The following IMMP2L variants were observed in gnomAD, a reference collection of about 807,000 sequenced individuals.
IMMP2L encodes mitochondrial inner membrane protease subunit 2.
In IMMP2L, 18 loss-of-function variants were observed where a neutral mutation model predicts 19.3. The observed-to-expected ratio is 0.93, with a 90% CI of 0.64 to 1.38. IMMP2L has a LOEUF of 1.38. IMMP2L is among the 40% of genes most tolerant of loss of function. IMMP2L has a pLI of 0.00. For synonymous variants in IMMP2L, 76 were observed against 73.0 expected (o/e 1.04, Z -0.21); for missense variants, 233 against 218.2 (o/e 1.07, Z -0.43).
At chr7:110,744,891 G>A (rs1000919880) in intron 5 of IMMP2L, among the ~76,000 whole-genome samples, 13 of 152,166 alleles carry the variant, frequency 8.5e-5, no homozygotes, top group African/African-American at 3.1e-4. Context: ...AAACTGGATA[G>A]AGAATGAGTT....
intron 3 of IMMP2L, among the ~76,000 whole-genome samples, chr7:111,108,284 A>C (rs2129582144): frequency 6.6e-6 from 1 of 152,210 alleles, no homozygotes; most frequent in African/African-American, 2.4e-5. Context: ...AATGTTTATT[A>C]TTGCTCTTTT....
intron 5 of IMMP2L, among the ~76,000 whole-genome samples, chr7:110,802,373 G>C (rs897340053): frequency 6.7e-6 from 1 of 148,316 alleles, no homozygotes; most frequent in Non-Finnish European, 1.5e-5. Flanking sequence ...GTGTGTGCCT[G>C]TGTCTGTGTT....
At chr7:110,994,670 C>CTG (rs1266151207) in intron 3 of IMMP2L, among the ~76,000 whole-genome samples, 2 of 152,176 alleles carry the variant, frequency 1.3e-5, no homozygotes, top group African/African-American at 4.8e-5. Flanking sequence ...GCTTAGCTGT[C>CTG]TGTGTGTGAG....
intron 3 of IMMP2L, among the ~76,000 whole-genome samples, chr7:111,204,063 A>G (rs1810444331): frequency 6.6e-6 from 1 of 152,180 alleles, no homozygotes; most frequent in African/African-American, 2.4e-5. Context: ...CTGACATTCA[A>G]AAAATATTCT....
intron 5 of IMMP2L, among the ~76,000 whole-genome samples, chr7:110,854,371 A>T (rs1003479080): frequency 2.6e-5 from 4 of 151,914 alleles, no homozygotes; most frequent in African/African-American, 4.8e-5. Flanking sequence ...ACAGACACTA[A>T]ATCATTTTGG....
chr7:110,701,052 T>C (rs1188048272), intron 5 of IMMP2L, among the ~76,000 whole-genome samples: 1 of 152,192 alleles, frequency 6.6e-6, no homozygotes, highest in Non-Finnish European at 1.5e-5. Context: ...GGAATCTGTT[T>C]TGTTTTATGA....
chr7:110,799,637 T>A (rs1801108337), intron 5 of IMMP2L, among the ~76,000 whole-genome samples: 1 of 152,064 alleles, frequency 6.6e-6, no homozygotes, highest in Admixed American at 6.6e-5. Flanking sequence ...AACTACAGTA[T>A]ATAATTTCTG....
chr7:110,904,820 G>C (rs574298301), intron 4 of IMMP2L, among the ~76,000 whole-genome samples: 6 of 152,244 alleles, frequency 3.9e-5, no homozygotes, highest in South Asian at 2.1e-4. Flanking sequence ...TCCAAGAGAG[G>C]CCTGTTTTAC....
chr7:110,939,742 G>A (rs1816530443), intron 4 of IMMP2L, among the ~76,000 whole-genome samples: 1 of 152,124 alleles, frequency 6.6e-6, no homozygotes, highest in African/African-American at 2.4e-5. Flanking sequence ...AACAAAATGT[G>A]GGTATCTCGC....
rs141249323 is a variant in IMMP2L at position 110,904,474 on chromosome 7, C to A, written c.306-17779G>T. 5.7e-3 allele frequency among the ~76,000 whole-genome samples: 860 copies of A among 152,210 alleles called. 12 individuals are homozygous for A. The highest frequency in any genetic ancestry group is 0.02 in the African/African-American group (825 of 41,524). On this transcript the variant is annotated intron_variant, in intron 4 of 5. Transcript: ENST00000405709. The stretch of plus-strand genomic sequence containing the variant: ...CATTCATTATTTTGCATGTGGATAT[C>A]CAGTTTTCCCAACACCATTTGTTGA...
intron 3 of IMMP2L, among the ~76,000 whole-genome samples, chr7:111,462,002 A>G (rs914797299): frequency 3.3e-5 from 5 of 151,938 alleles, no homozygotes; most frequent in Admixed American, 3.3e-4. Flanking sequence ...ACAAACACAG[A>G]GATAAAAAAA....
chr7:111,062,868 G>A (rs1480047199), intron 3 of IMMP2L, among the ~76,000 whole-genome samples: 6 of 152,212 alleles, frequency 3.9e-5, no homozygotes, highest in African/African-American at 1.2e-4. Context: ...CTGCCCCTGT[G>A]GCTTTACAGG....
chr7:111,080,382 A>C (rs1018495018), intron 3 of IMMP2L, among the ~76,000 whole-genome samples: 11 of 151,752 alleles, frequency 7.2e-5, no homozygotes, highest in African/African-American at 2.7e-4. Flanking sequence ...ATTTTATCCA[A>C]TATATATATG....
At chr7:111,192,063 A>T (rs765112550) in intron 3 of IMMP2L, among the ~76,000 whole-genome samples, 1 of 152,090 alleles carries the variant, frequency 6.6e-6, no homozygotes, top group Non-Finnish European at 1.5e-5. Context: ...TGACACCTTT[A>T]CTCATCAGGT....
At chr7:111,408,053 G>T (rs1057318499) in intron 3 of IMMP2L, among the ~76,000 whole-genome samples, 2 of 151,788 alleles carry the variant, frequency 1.3e-5, no homozygotes, top group African/African-American at 4.8e-5. Flanking sequence ...CATGCTCAAG[G>T]TCATAGAACT....
chr7:111,561,412 C>T (rs1792031524), intron 1 of IMMP2L, among the ~76,000 whole-genome samples: 1 of 152,128 alleles, frequency 6.6e-6, no homozygotes, highest in Non-Finnish European at 1.5e-5. Context: ...AGGATTTTTT[C>T]AGGAGTACCC....
intron 3 of IMMP2L, among the ~76,000 whole-genome samples, chr7:111,450,109 C>T (rs930179219): frequency 6.6e-6 from 1 of 151,784 alleles, no homozygotes; most frequent in Non-Finnish European, 1.5e-5. Context: ...TAGGAAGAAT[C>T]AATATTGTGA....
intron 3 of IMMP2L, among the ~76,000 whole-genome samples, chr7:111,476,042 T>C (rs1841693258): frequency 6.6e-6 from 1 of 152,168 alleles, no homozygotes; most frequent in East Asian, 1.9e-4. Flanking sequence ...TCCTAACAAT[T>C]CCATTTTGAT....
chr7:111,310,473 T>C (rs1354426798), intron 3 of IMMP2L, among the ~76,000 whole-genome samples: 1 of 152,086 alleles, frequency 6.6e-6, no homozygotes, highest in Non-Finnish European at 1.5e-5. Context: ...TTATTTTTAA[T>C]TCTGGAAGAG....
Sources: allele counts gnomAD v4.1 joint callset (sites outside exome capture counted in the v4.1 genomes callset), GRCh38; gene constraint gnomAD v4.1.1; transcripts MANE v1.5; gene names NCBI Gene and HGNC (gene_info 2026-07-23, HGNC 2026-07-21).